The following MPDZ variants were observed in gnomAD, a reference collection of about 807,000 sequenced individuals.
MPDZ encodes multiple PDZ domain protein.
MPDZ carries 234 observed loss-of-function variants against 239.1 expected under a neutral mutation model. The observed-to-expected ratio is 0.98, with a 90% CI of 0.88 to 1.09. The LOEUF (loss-of-function observed/expected upper bound fraction) is 1.09. MPDZ is among the 50% of genes least tolerant of loss of function. The pLI, the probability that MPDZ is intolerant of heterozygous loss-of-function variation, is 0.00. For missense variants in MPDZ, 3,175 were observed against 2,510.0 expected (o/e 1.26, Z -5.66); for synonymous variants, 1,048 against 881.3 (o/e 1.19, Z -3.35).
intron 21 of MPDZ, among the ~76,000 whole-genome samples, chr9:13,174,346 T>C (rs1315174380): frequency 6.6e-6 from 1 of 152,214 alleles, no homozygotes; most frequent in Non-Finnish European, 1.5e-5. Flanking sequence ...ATAGTGGATA[T>C]AGTATTAAAA....
At chr9:13,212,869 C>G (rs1488150578) in intron 10 of MPDZ, among the ~76,000 whole-genome samples, 1 of 147,516 alleles carries the variant, frequency 6.8e-6, no homozygotes, top group Non-Finnish European at 1.5e-5. Context: ...TTAACAGGAA[C>G]AATTACAGGG....
intron 3 of MPDZ, among the ~76,000 whole-genome samples, chr9:13,225,546 G>A (rs541219421): frequency 2.6e-5 from 4 of 152,062 alleles, no homozygotes; most frequent in Admixed American, 6.6e-5. Flanking sequence ...TTCATGGTAC[G>A]TGTCTCCTAT....
intron 39 of MPDZ, 42 bp downstream of exon 39, chr9:13,119,460 T>G: frequency 6.4e-7 from 1 of 1,567,772 alleles, no homozygotes; most frequent in South Asian, 1.2e-5. Flanking sequence ...TTATCTTTTT[T>G]CTTCTACGCT....
chr9:13,270,283 C>G (rs1972669766), intron 1 of MPDZ, among the ~76,000 whole-genome samples: 1 of 152,132 alleles, frequency 6.6e-6, no homozygotes, highest in Non-Finnish European at 1.5e-5. Flanking sequence ...ATTAAGTGAT[C>G]AGAAGGTACA....
At chr9:13,234,310 A>C (rs1165186333) in intron 3 of MPDZ, among the ~76,000 whole-genome samples, 4 of 152,112 alleles carry the variant, frequency 2.6e-5, no homozygotes, top group African/African-American at 7.2e-5. Flanking sequence ...ATAAAGCATT[A>C]AAATATCACT....
intron 22 of MPDZ, chr9:13,165,477 G>C: frequency 6.5e-7 from 1 of 1,531,374 alleles, no homozygotes. Flanking sequence ...GTCTTGTGCT[G>C]AATGTGAGAT....
Position 13,173,797 on chromosome 9 carries a change from G to A in MPDZ, c.3055+1955C>T, listed in dbSNP as rs180868441. Among the ~76,000 whole-genome samples, 5 of 151,774 alleles carry A rather than the reference G, an allele frequency of 3.3e-5. No individual in the cohort carries two copies. The East Asian group carries it at 7.8e-4, about 24-fold the overall frequency. On this transcript the variant is annotated intron_variant, in intron 21 of 46. Transcript: ENST00000319217. ...TGGCTCTTACAAGAGCCTCCTAACT[G>A]CTTCACCAACCTAAGCTGAATGCTC...
chr9:13,173,677 C>T (rs529435265), intron 21 of MPDZ, among the ~76,000 whole-genome samples: 1 of 151,690 alleles, frequency 6.6e-6, no homozygotes, highest in East Asian at 1.9e-4. Flanking sequence ...TGCACTGCAG[C>T]CTGGGCAACA....
intron 32 of MPDZ, 32 bp downstream of exon 32, chr9:13,133,792 C>T: frequency 1.4e-6 from 2 of 1,466,486 alleles, no homozygotes; most frequent in Non-Finnish European, 9.5e-7. Flanking sequence ...AAGGAACTCA[C>T]ATCATTTCAT....
chr9:13,223,738 A>G, intron 4 of MPDZ, 28 bp from the exon 5 acceptor site: 2 of 1,554,752 alleles, frequency 1.3e-6, no homozygotes, highest in Non-Finnish European at 1.7e-6. Flanking sequence ...CAAGAAATAA[A>G]ACTAAAAGCC....
rs1160535943 is a variant in MPDZ at position 13,112,162 on chromosome 9, T to C, written c.5602-16A>G. On this transcript the variant is annotated splice_polypyrimidine_tract_variant and intron_variant, in intron 42 of 46. Coordinates refer to ENST00000319217, the MANE Select transcript of MPDZ (RefSeq NM_001378778.1). Reference sequence around the variant, plus strand: ...CAGTAGGGCCCTGCCATGGAACAGATATAAAATTTTGGTCAAAGTGATATT... The same window carrying C: ...CAGTAGGGCCCTGCCATGGAACAGACATAAAATTTTGGTCAAAGTGATATT... 4 of 1,594,776 alleles carry C rather than the reference T, an allele frequency of 2.5e-6. No homozygotes were observed. Among genetic ancestry groups the C allele is most frequent in the Non-Finnish European group, 3.4e-6 (4 of 1,169,270 alleles).
intron 10 of MPDZ, among the ~76,000 whole-genome samples, chr9:13,207,888 CAT>C (rs1332768056): frequency 2.0e-5 from 3 of 152,140 alleles, no homozygotes; most frequent in African/African-American, 7.2e-5. Context: ...ATTTTAACAA[CAT>C]GTTGTTTAAT....
chr9:13,231,680 A>AT (rs953573180), intron 3 of MPDZ, among the ~76,000 whole-genome samples: 35 of 147,130 alleles, frequency 2.4e-4, no homozygotes, highest in Admixed American at 4.1e-4. Context: ...AATTCTTCCC[A>AT]TTTTTTTTTT....
chr9:13,122,345 A>C (rs1472100584), intron 36 of MPDZ, among the ~76,000 whole-genome samples, 175 bp from the exon 37 acceptor site: 1 of 152,198 alleles, frequency 6.6e-6, no homozygotes, highest in East Asian at 1.9e-4. Context: ...TTTTTGCTAA[A>C]AGGCTCAAAG....
rs1311050296 is a variant in MPDZ at position 13,106,945 on chromosome 9, G to C, written c.*20C>G. 6.2e-7 allele frequency: 1 copy of C among 1,612,794 alleles called. No homozygotes were observed. The highest frequency in any genetic ancestry group is 1.1e-5 in the South Asian group (1 of 90,986). On this transcript the variant is annotated 3_prime_UTR_variant, in exon 47 of 47. Coordinates refer to ENST00000319217, the MANE Select transcript of MPDZ (RefSeq NM_001378778.1). ...AGGAGGTGAGCTAGGGGTTGGGTTG[G>C]TTCAATTCTGGCAGCCAATTCAAGA...
At chr9:13,110,171 C>A (rs1402658721) in intron 44 of MPDZ, 107 bp from the exon 45 acceptor site, 5 of 745,524 alleles carry the variant, frequency 6.7e-6, no homozygotes, top group Admixed American at 2.8e-5. Context: ...TTTTATTGTT[C>A]ATTTAAACAT....
At chr9:13,159,201 A>T (rs959796791) in intron 23 of MPDZ, among the ~76,000 whole-genome samples, 1 of 152,162 alleles carries the variant, frequency 6.6e-6, no homozygotes, top group African/African-American at 2.4e-5. Context: ...CTGGCAAGCA[A>T]ATGTCCAGGC....
intron 10 of MPDZ, 28 bp from the exon 11 acceptor site, chr9:13,206,127 T>C: frequency 6.6e-7 from 1 of 1,506,064 alleles, no homozygotes; most frequent in Non-Finnish European, 9.0e-7. Flanking sequence ...AAAAAGCATG[T>C]TACATGTTAA....
chr9:13,234,119 A>G (rs908168330), intron 3 of MPDZ, among the ~76,000 whole-genome samples: 7 of 152,124 alleles, frequency 4.6e-5, no homozygotes. Context: ...CTTTCACACT[A>G]TTTTGATATA....
Sources: allele counts gnomAD v4.1 joint callset (sites outside exome capture counted in the v4.1 genomes callset), GRCh38; gene constraint gnomAD v4.1.1; transcripts MANE v1.5; gene names NCBI Gene and HGNC (gene_info 2026-07-23, HGNC 2026-07-21).